The following PPP1R12A variants were observed in gnomAD, a reference collection of about 807,000 sequenced individuals.
The protein encoded by PPP1R12A is myosin binding subunit.
Under a neutral mutation model 139.6 loss-of-function variants are expected in PPP1R12A, and 19 were observed. The ratio of observed to expected loss-of-function variants is 0.14; its 90% confidence interval spans 0.09 to 0.20. PPP1R12A has a LOEUF of 0.20. Ranked by LOEUF, PPP1R12A falls within the 10% of genes least tolerant of loss-of-function variation. PPP1R12A has a pLI of 1.00. For missense variants in PPP1R12A, 925 were observed against 1,211.5 expected (o/e 0.76, Z 3.51); for synonymous variants, 427 against 420.6 (o/e 1.02, Z -0.19).
chr12:79,862,987 G>C (rs1239412225), intron 2 of PPP1R12A, among the ~76,000 whole-genome samples: 1 of 152,044 alleles, frequency 6.6e-6, no homozygotes, highest in Non-Finnish European at 1.5e-5. Context: ...GATACTCCTC[G>C]AGAAGAGCAA....
chr12:79,906,519 T>C (rs1886130950), intron 1 of PPP1R12A, among the ~76,000 whole-genome samples: 1 of 152,172 alleles, frequency 6.6e-6, no homozygotes. Flanking sequence ...ATCAATATTA[T>C]CCATATTTAG....
chr12:79,876,926 G>A (rs1195660186), intron 1 of PPP1R12A, among the ~76,000 whole-genome samples: 19 of 152,102 alleles, frequency 1.2e-4, no homozygotes, highest in Non-Finnish European at 2.5e-4. Context: ...CAGGAGAACC[G>A]CTTGACCCCG....
At chr12:79,776,676 A>C (rs1869766945) in intron 24 of PPP1R12A, among the ~76,000 whole-genome samples, 2 of 152,150 alleles carry the variant, frequency 1.3e-5, no homozygotes, top group African/African-American at 2.4e-5. Flanking sequence ...TTTTGAAGCA[A>C]ATAGCCTCAT....
chr12:79,871,575 T>A (rs908634250), intron 2 of PPP1R12A, among the ~76,000 whole-genome samples: 3 of 152,142 alleles, frequency 2.0e-5, no homozygotes, highest in Non-Finnish European at 4.4e-5. Context: ...CCTAGAAAAG[T>A]TAAACAACTT....
At chr12:79,914,199 ATTT>A (rs1021221581) in intron 1 of PPP1R12A, among the ~76,000 whole-genome samples, 1 of 151,076 alleles carries the variant, frequency 6.6e-6, no homozygotes. Context: ...GGGTTCCTCA[ATTT>A]TTTTTTAGCA....
intron 14 of PPP1R12A, among the ~76,000 whole-genome samples, chr12:79,800,890 C>T (rs565111621): frequency 2.7e-4 from 41 of 151,920 alleles, no homozygotes; most frequent in African/African-American, 7.5e-4. Context: ...TCTGCCACCA[C>T]GCCTGGCTAA....
chr12:79,935,405 C>G (rs1888593136), upstream of PPP1R12A: 2 of 991,984 alleles, frequency 2.0e-6, no homozygotes, highest in Non-Finnish European at 1.2e-6. Context: ...TGGGGGCTCC[C>G]GGGAATCCGG....
intron 3 of PPP1R12A, among the ~76,000 whole-genome samples, chr12:79,840,892 T>C (rs1878620732): frequency 6.6e-6 from 1 of 152,142 alleles, no homozygotes. Context: ...ATCCAATGTC[T>C]ACAAAAATAG....
In PPP1R12A at chr12:79,845,307, C is replaced by T. The variant is rs763185289; in HGVS notation, c.482G>A (p.Arg161Gln). 5.0e-6 allele frequency: 8 copies of T among 1,604,746 alleles called. No homozygotes were observed. The highest frequency in any genetic ancestry group is 1.7e-4 in the Middle Eastern group (1 of 6,032). Reference sequence around the variant, plus strand: ...TAGGTTGCTTTTTATTTTACCTTGCCGATTAACTTCATTTTGAAGTAGCTC... The same window carrying T: ...TAGGTTGCTTTTTATTTTACCTTGCTGATTAACTTCATTTTGAAGTAGCTC... ...MEELLQNEVN[R>Q]QGVDIEAARK... The change falls in exon 3 of 25, where the codon CGG becomes CAG. Residue 161 changes from arginine (R) to glutamine (Q), a missense_variant. Coordinates refer to ENST00000450142, the MANE Select transcript of PPP1R12A (RefSeq NM_002480.3).
At chr12:79,881,062 C>T (rs1032271594) in intron 1 of PPP1R12A, among the ~76,000 whole-genome samples, 4 of 152,070 alleles carry the variant, frequency 2.6e-5, no homozygotes, top group Admixed American at 2.6e-4. Flanking sequence ...TCTGACCACT[C>T]CACAAACCGG....
Position 79,806,211 on chromosome 12 carries a change from G to A in PPP1R12A, c.1778C>T (p.Thr593Ile). 2 of 1,613,968 alleles carry A rather than the reference G, an allele frequency of 1.2e-6. No homozygotes were observed. The highest frequency in any genetic ancestry group is 1.7e-6 in the Non-Finnish European group (2 of 1,179,828). Residue 593 changes from threonine (T) to isoleucine (I), a missense_variant, in exon 13 of 25, where the codon ACT becomes ATT. Coordinates refer to ENST00000450142, the MANE Select transcript of PPP1R12A (RefSeq NM_002480.3). ...QKSLLSSTST[T>I]TKITTGSSSA... ...GGAAGAACCCGTTGTAATCTTTGTA[G>A]TAGTGCTTGTGCTGGAAAGCAGGCT...
Position 79,775,929 on chromosome 12 carries a change from TTA to T in PPP1R12A, c.3091_3092del (p.Ter1031LysfsTer46), listed in dbSNP as rs1191613228. ...LIRVISKLSK[*>X] ...CCATTACTTGCTGCTTTTTTTTTTT[TTA>T]TTTGGAAAGTTTGCTTATAACTCTG... On this transcript the variant is annotated frameshift_variant and stop_lost, in exon 25 of 25. Coordinates refer to ENST00000450142, the MANE Select transcript of PPP1R12A (RefSeq NM_002480.3). LOFTEE classifies it high-confidence loss of function. The T allele has an allele frequency of 1.9e-6, 3 of 1,566,708 alleles. No homozygotes were observed. The highest frequency in any genetic ancestry group is 1.9e-5 in the Admixed American group (1 of 53,730).
At chr12:79,923,650 T>C (rs928689058) in intron 1 of PPP1R12A, among the ~76,000 whole-genome samples, 1 of 152,226 alleles carries the variant, frequency 6.6e-6, no homozygotes, top group Non-Finnish European at 1.5e-5. Flanking sequence ...GTCTTTAGTG[T>C]TTTAATTAAA....
intron 1 of PPP1R12A, among the ~76,000 whole-genome samples, chr12:79,894,121 A>ACATAACATAATGAGACTG (rs1884914033): frequency 6.6e-6 from 1 of 152,194 alleles, no homozygotes; most frequent in African/African-American, 2.4e-5. Flanking sequence ...CTTTATAGTG[A>ACATAACATAATGAGACTG]CATAACATAA....
chr12:79,880,965 T>A lies in PPP1R12A; in HGVS notation c.238-8027A>T, dbSNP rs544002851. On this transcript the variant is annotated intron_variant, in intron 1 of 24. Coordinates refer to ENST00000450142, the MANE Select transcript of PPP1R12A (RefSeq NM_002480.3). ...ATGGTGATTTGTGATCAGTGATCTG[T>A]GATGTTACTATTTCAATTGTTTTGG... 3.3e-5 allele frequency among the ~76,000 whole-genome samples: 5 copies of A among 152,248 alleles called. No individual in the cohort carries two copies. In the East Asian group the frequency reaches 9.7e-4, roughly 29 times the overall value.
rs1592593420 is a variant in PPP1R12A at position 79,775,830 on chromosome 12, C to CA, written c.*98dup. 8.5e-6 allele frequency: 6 copies of CA among 704,024 alleles called. No individual in the cohort carries two copies. The East Asian group carries it at 1.9e-4, about 22-fold the overall frequency. 43.6% of individuals were successfully genotyped at this position (704,024 alleles called of 1,614,324 possible). The stretch of plus-strand genomic sequence containing the variant: ...CATTTGGCAGGATATCCGAAAATGA[C>CA]AGTCTCCAAGGATTCTTCCCAGACT... On this transcript the variant is annotated 3_prime_UTR_variant, in exon 25 of 25. Transcript: ENST00000450142.
At chr12:79,863,015 G>A (rs1425678520) in intron 2 of PPP1R12A, among the ~76,000 whole-genome samples, 2 of 152,102 alleles carry the variant, frequency 1.3e-5, no homozygotes, top group Non-Finnish European at 2.9e-5. Context: ...ACACACAATT[G>A]TCAGGTTCAC....
chr12:79,920,986 T>G (rs1887391028), intron 1 of PPP1R12A, among the ~76,000 whole-genome samples: 1 of 152,244 alleles, frequency 6.6e-6, no homozygotes, highest in African/African-American at 2.4e-5. Flanking sequence ...AGGTGTGAAC[T>G]AGTATCTCAT....
intron 1 of PPP1R12A, among the ~76,000 whole-genome samples, chr12:79,884,259 G>C (rs1883904227): frequency 6.6e-6 from 1 of 152,122 alleles, no homozygotes. Flanking sequence ...CACAGAAATA[G>C]CTATTCTCCA....
Sources: allele counts gnomAD v4.1 joint callset (sites outside exome capture counted in the v4.1 genomes callset), GRCh38; gene constraint gnomAD v4.1.1; transcripts MANE v1.5; gene names NCBI Gene and HGNC (gene_info 2026-07-23, HGNC 2026-07-21).